CPA6: variants seen among roughly 807,000 people sequenced by gnomAD.
The protein encoded by CPA6 is carboxypeptidase B.
In CPA6, 58 loss-of-function variants were observed where a neutral mutation model predicts 63.3. The observed-to-expected ratio is 0.92, with a 90% CI of 0.74 to 1.14. The LOEUF (loss-of-function observed/expected upper bound fraction) is 1.14, where lower values mean the gene tolerates loss of function less well. CPA6 is among the 50% of genes most tolerant of loss of function. CPA6 has a pLI of 0.00. For missense variants in CPA6, 565 were observed against 526.6 expected, an observed-to-expected ratio of 1.07 and a Z score of -0.71; for synonymous variants, 185 against 179.0, an observed-to-expected ratio of 1.03 and a Z score of -0.27.
At chr8:67,692,167 T>C (rs1196895435) in intron 1 of CPA6, among the ~76,000 whole-genome samples, 2 of 152,060 alleles carry the variant, frequency 1.3e-5, no homozygotes, top group South Asian at 2.1e-4. Context: ...AGAAACCTCA[T>C]CTCTACTAAA....
intron 8 of CPA6, among the ~76,000 whole-genome samples, chr8:67,473,152 G>C (rs1043114990): frequency 1.3e-5 from 2 of 152,184 alleles, no homozygotes; most frequent in African/African-American, 4.8e-5. Flanking sequence ...AGGAAGAGAA[G>C]AAAAGGAAAG....
chr8:67,744,329 G>GA (rs1817967750), intron 1 of CPA6, among the ~76,000 whole-genome samples: 1 of 152,180 alleles, frequency 6.6e-6, no homozygotes, highest in South Asian at 2.1e-4. Context: ...CAACTGAAGA[G>GA]AAAATAGCAA....
At chr8:67,714,152 C>A (rs1446692379) in intron 1 of CPA6, among the ~76,000 whole-genome samples, 1 of 151,868 alleles carries the variant, frequency 6.6e-6, no homozygotes, top group Non-Finnish European at 1.5e-5. Context: ...TTTATTATAC[C>A]CAAACAAATA....
Position 67,479,030 on chromosome 8 carries a change from AAAAG to A in CPA6, c.838+4734_838+4737del, listed in dbSNP as rs372501268. Among the ~76,000 whole-genome samples the A allele has an allele frequency of 1.3e-3, 202 of 152,308 alleles. 1 individual carries two copies. The highest frequency in any genetic ancestry group is 4.2e-3 in the African/African-American group (176 of 41,556). ...AGCAAGACTCTGTCTAAAAGAAAAG[AAAAG>A]AAAGAAAGAAATCGACACCCCCAAT... On this transcript the variant is annotated intron_variant, in intron 8 of 10. Coordinates refer to ENST00000297770, the MANE Select transcript of CPA6 (RefSeq NM_020361.5).
intron 6 of CPA6, among the ~76,000 whole-genome samples, chr8:67,496,522 TATATATA>T (rs1563976122): frequency 0.013 from 203 of 15,654 alleles, 1 homozygote; most frequent in Non-Finnish European, 0.037. Flanking sequence ...ATATAGTTTA[TATATATA>T]TATATATATA....
chr8:67,644,122 ATTTT>A (rs201108627), intron 1 of CPA6, among the ~76,000 whole-genome samples: 1 of 144,298 alleles, frequency 6.9e-6, no homozygotes, highest in Admixed American at 6.9e-5. Context: ...TTGCTGTCTT[ATTTT>A]TTTTTTTTTT....
At chr8:67,667,498 T>C (rs1816256218) in intron 1 of CPA6, among the ~76,000 whole-genome samples, 1 of 151,946 alleles carries the variant, frequency 6.6e-6, no homozygotes, top group African/African-American at 2.4e-5. Flanking sequence ...ACTTCCCCGC[T>C]AAAAGTTAGA....
intron 2 of CPA6, among the ~76,000 whole-genome samples, chr8:67,548,733 A>G (rs1812877806): frequency 6.6e-6 from 1 of 152,190 alleles, no homozygotes. Flanking sequence ...CAGGGAGGGG[A>G]GGTAAATTCA....
At chr8:67,675,311 G>C (rs1412527841) in intron 1 of CPA6, among the ~76,000 whole-genome samples, 1 of 152,134 alleles carries the variant, frequency 6.6e-6, no homozygotes, top group Non-Finnish European at 1.5e-5. Flanking sequence ...TGGCATTGCT[G>C]CTGTGACTCT....
At chr8:67,604,371 A>G (rs938106858) in intron 2 of CPA6, among the ~76,000 whole-genome samples, 2 of 152,172 alleles carry the variant, frequency 1.3e-5, no homozygotes, top group Non-Finnish European at 2.9e-5. Context: ...AGATGTGGCA[A>G]TAACAGCTCA....
intron 1 of CPA6, among the ~76,000 whole-genome samples, chr8:67,703,826 A>T: frequency 6.6e-6 from 1 of 152,084 alleles, no homozygotes; most frequent in East Asian, 1.9e-4. Flanking sequence ...TTTTCATCCC[A>T]GTTATGCTCC....
intron 1 of CPA6, among the ~76,000 whole-genome samples, chr8:67,674,527 G>A (rs1816424226): frequency 6.6e-6 from 1 of 152,206 alleles, no homozygotes. Context: ...AACAACAGAT[G>A]CTGGCGAGGC....
chr8:67,624,002 A>C (rs1289701528), intron 2 of CPA6, among the ~76,000 whole-genome samples, 174 bp downstream of exon 2: 3 of 151,966 alleles, frequency 2.0e-5, no homozygotes, highest in Non-Finnish European at 4.4e-5. Flanking sequence ...GTCTCAAATA[A>C]AATAAAATAA....
intron 1 of CPA6, among the ~76,000 whole-genome samples, chr8:67,739,307 C>T (rs566966003): frequency 2.0e-5 from 3 of 152,250 alleles, no homozygotes; most frequent in South Asian, 4.1e-4. Flanking sequence ...TTGGGTATAA[C>T]GAGCTGATAA....
chr8:67,447,548 T>C (rs964749211), intron 8 of CPA6, among the ~76,000 whole-genome samples: 132 of 100,780 alleles, frequency 1.3e-3, no homozygotes, highest in Middle Eastern at 4.8e-3. Context: ...CACACACACA[T>C]ACACATTTTA....
intron 1 of CPA6, among the ~76,000 whole-genome samples, chr8:67,742,963 A>T (rs1257681091): frequency 6.7e-6 from 1 of 148,300 alleles, no homozygotes; most frequent in Non-Finnish European, 1.5e-5. Flanking sequence ...GACGCAGAAG[A>T]TTTTTTTTTT....
At chr8:67,651,717 G>A (rs1248721147) in intron 1 of CPA6, among the ~76,000 whole-genome samples, 6 of 151,918 alleles carry the variant, frequency 3.9e-5, no homozygotes, top group Admixed American at 6.6e-5. Flanking sequence ...AGAGAATAGC[G>A]CGAGAGCTAT....
At chr8:67,695,420 A>G (rs1052201508) in intron 1 of CPA6, among the ~76,000 whole-genome samples, 1 of 152,216 alleles carries the variant, frequency 6.6e-6, no homozygotes, top group Non-Finnish European at 1.5e-5. Context: ...GACCTCTTAC[A>G]TCATGGAAGG....
At chr8:67,590,896 C>G (rs1814103051) in intron 2 of CPA6, among the ~76,000 whole-genome samples, 1 of 152,044 alleles carries the variant, frequency 6.6e-6, no homozygotes. Flanking sequence ...TTAATTAGAT[C>G]CCATTTGTCA....
Sources: allele counts gnomAD v4.1 joint callset (sites outside exome capture counted in the v4.1 genomes callset), GRCh38; gene constraint gnomAD v4.1.1; transcripts MANE v1.5; gene names NCBI Gene and HGNC (gene_info 2026-07-23, HGNC 2026-07-21).